PCDHGB3: variants seen among roughly 807,000 people sequenced by gnomAD.
PCDHGB3 encodes protocadherin gamma-B3.
A neutral mutation model predicts 59.2 loss-of-function variants in PCDHGB3; 40 were observed. The observed-to-expected ratio is 0.68, with a 90% CI of 0.52 to 0.88. The LOEUF (loss-of-function observed/expected upper bound fraction) is 0.88. Among genes scored for constraint, PCDHGB3 ranks in the 40% least tolerant of loss-of-function variants. The pLI is 0.00. For synonymous variants in PCDHGB3, 581 were observed against 503.6 expected (o/e 1.15, Z -2.06); for missense variants, 1,309 against 1,187.9 (o/e 1.10, Z -1.50).
At chr5:141,409,133 G>A in intron 1 of PCDHGB3, 1 of 1,614,002 alleles carries the variant, frequency 6.2e-7, no homozygotes, top group Non-Finnish European at 8.5e-7. Flanking sequence ...TGATTTTGAA[G>A]ATGTAGAAAG....
At chr5:141,395,220 G>A (rs1331532806) in intron 1 of PCDHGB3, 1 of 1,611,732 alleles carries the variant, frequency 6.2e-7, no homozygotes, top group Non-Finnish European at 8.5e-7. Flanking sequence ...ATATAAGAAT[G>A]AAGCTGATCA....
At chr5:141,383,188 G>T (rs762386846) in intron 1 of PCDHGB3, 26 of 1,614,064 alleles carry the variant, frequency 1.6e-5, no homozygotes, top group Non-Finnish European at 2.1e-5. Context: ...AGAGATCTGC[G>T]CTCAGAGTGC....
rs996153387 is a variant in PCDHGB3, at chr5:141,491,985, G to A, written c.2416-2822G>A. 24 of 743,298 alleles carry A rather than the reference G, an allele frequency of 3.2e-5. No homozygotes were observed. Among genetic ancestry groups the A allele is most frequent in the Non-Finnish European group, 4.5e-5 (22 of 494,254 alleles). 46.0% of individuals were successfully genotyped at this position (743,298 alleles called of 1,614,324 possible). On this transcript the variant is annotated intron_variant, in intron 1 of 3. Transcript: ENST00000576222. The surrounding 1 kb of genome is among the most constrained non-coding windows in gnomAD (Gnocchi z 6.9). ...AGGCCGGGGCCTCCTTCGAGCTTCC[G>A]GTGAATTTCGGGCGATTTCCGCGGG...
intron 1 of PCDHGB3, among the ~76,000 whole-genome samples, chr5:141,460,093 A>T (rs2098981983): frequency 6.6e-6 from 1 of 151,964 alleles, no homozygotes. Flanking sequence ...TAATAATTAT[A>T]CATGTAATTA....
intron 1 of PCDHGB3, chr5:141,430,753 G>C (rs1175014357): frequency 6.6e-7 from 1 of 1,504,258 alleles, no homozygotes. Context: ...TCTGGAGGAA[G>C]ATAAGAATGA....
intron 2 of PCDHGB3, among the ~76,000 whole-genome samples, chr5:141,495,702 T>G (rs1462896403): frequency 6.6e-6 from 1 of 152,212 alleles, no homozygotes; most frequent in African/African-American, 2.4e-5. Context: ...TCAATAAATG[T>G]GGAGTGAGTA....
In PCDHGB3 at chr5:141,432,177, CTG is replaced by C. The variant is rs769631339; in HGVS notation, c.2415+59371_2415+59372del. 4 of 1,614,102 alleles carry C rather than the reference CTG, an allele frequency of 2.5e-6. No homozygotes were observed. Among genetic ancestry groups the C allele is most frequent in the Admixed American group, 1.7e-5 (1 of 60,012 alleles). ...AATCCCAGAGGAGTTTCCCTCGTCT[CTG>C]TGACCGCCCACGACCCCGACTGTGA... On this transcript the variant is annotated intron_variant, in intron 1 of 3. Transcript: ENST00000576222. The surrounding 1 kb of genome is among the most constrained non-coding windows in gnomAD (Gnocchi z 6.0).
At position 141,487,748 on chromosome 5, in the gene PCDHGB3, T is replaced by C. The variant is rs1458153935; in HGVS notation, c.2416-7059T>C. On this transcript the variant is annotated intron_variant, in intron 1 of 3. Coordinates refer to ENST00000576222, the MANE Select transcript of PCDHGB3 (RefSeq NM_018924.5). The surrounding 1 kb of genome is among the most constrained non-coding windows in gnomAD (Gnocchi z 5.0). ...TGTCACCATTTTTGTAAGAGGTAAC[T>C]ATGTGGTAGACGCTGTGCTTTGTAA... 1 of 1,557,436 alleles carries C rather than the reference T, an allele frequency of 6.4e-7. No individual in the cohort carries two copies. Among genetic ancestry groups the C allele is most frequent in the Non-Finnish European group, 8.7e-7 (1 of 1,149,514 alleles).
chr5:141,397,893 G>T (rs1442552386), intron 1 of PCDHGB3: 4 of 650,466 alleles, frequency 6.1e-6, no homozygotes, highest in African/African-American at 5.5e-5. Flanking sequence ...GTTGGCCAAA[G>T]TGCAGAGCTT....
chr5:141,455,104 G>T (rs2098813087), intron 1 of PCDHGB3, among the ~76,000 whole-genome samples: 1 of 151,780 alleles, frequency 6.6e-6, no homozygotes, highest in Non-Finnish European at 1.5e-5. Flanking sequence ...GAGCCACTGC[G>T]CCCGGTGGGT....
chr5:141,388,434 G>A (rs767784412), intron 1 of PCDHGB3: 3 of 1,613,878 alleles, frequency 1.9e-6, no homozygotes, highest in Non-Finnish European at 2.5e-6. Flanking sequence ...GATAAATAAA[G>A]AGAAATCAGA....
rs138831045 is a variant in PCDHGB3 at position 141,462,238 on chromosome 5, G to A, written c.2416-32569G>A. Among the ~76,000 whole-genome samples the A allele has an allele frequency of 2.9e-3, 441 of 152,288 alleles. 3 individuals carry two copies. Among genetic ancestry groups the A allele is most frequent in the African/African-American group, 9.9e-3 (412 of 41,566 alleles). On this transcript the variant is annotated intron_variant, in intron 1 of 3. Coordinates refer to ENST00000576222, the MANE Select transcript of PCDHGB3 (RefSeq NM_018924.5). ...GCCTCCCAAAGTGCAGGGATTACAG[G>A]TATGAGCCACCATGACCAGCCTAAA...
At chr5:141,410,513 G>C in intron 1 of PCDHGB3, 1 of 1,613,954 alleles carries the variant, frequency 6.2e-7, no homozygotes, top group Non-Finnish European at 8.5e-7. Context: ...AAAATGCAGT[G>C]TGCCCCTACA....
chr5:141,394,066 A>T (rs1589216611), intron 1 of PCDHGB3: 1 of 1,613,738 alleles, frequency 6.2e-7, no homozygotes, highest in Admixed American at 1.7e-5. Context: ...GTCTCTATCT[A>T]CAATATCACA....
intron 1 of PCDHGB3, chr5:141,410,447 C>T (rs760711107): frequency 3.1e-6 from 5 of 1,613,984 alleles, no homozygotes; most frequent in African/African-American, 2.7e-5. Context: ...GGGGACTTTG[C>T]CTTATTCTTA....
chr5:141,470,379 A>G (rs1210709847), intron 1 of PCDHGB3, among the ~76,000 whole-genome samples: 1 of 152,086 alleles, frequency 6.6e-6, no homozygotes, highest in East Asian at 1.9e-4. Flanking sequence ...TGGAAAGACT[A>G]CTCGATGATA....
intron 1 of PCDHGB3, chr5:141,409,789 G>T: frequency 6.2e-7 from 1 of 1,612,036 alleles, no homozygotes; most frequent in Non-Finnish European, 8.5e-7. Context: ...GCGCCTTCGC[G>T]CTCACGCTGC....
intron 2 of PCDHGB3, among the ~76,000 whole-genome samples, chr5:141,498,815 C>T (rs1595543994): frequency 6.6e-6 from 1 of 152,032 alleles, no homozygotes. Flanking sequence ...CACCTGTAGT[C>T]CCAGCTACTC....
intron 1 of PCDHGB3, among the ~76,000 whole-genome samples, chr5:141,443,771 A>G (rs1031470429): frequency 9.2e-5 from 14 of 152,238 alleles, no homozygotes; most frequent in African/African-American, 3.1e-4. Context: ...ATACAATATT[A>G]CCAAAAAGAC....
Sources: allele counts gnomAD v4.1 joint callset (sites outside exome capture counted in the v4.1 genomes callset), GRCh38; gene constraint gnomAD v4.1.1; non-coding constraint Gnocchi (gnomAD v3.1); transcripts MANE v1.5; gene names NCBI Gene and HGNC (gene_info 2026-07-23, HGNC 2026-07-21).